CEP128: variants seen among roughly 807,000 people sequenced by gnomAD.
The protein encoded by CEP128 is centrosomal protein 128kDa.
In CEP128, 132 loss-of-function variants were observed where a neutral mutation model predicts 156.7. That is an observed-to-expected ratio of 0.84 (90% CI 0.73 to 0.97). The LOEUF (loss-of-function observed/expected upper bound fraction) is 0.97. Ranked by LOEUF, CEP128 falls within the 50% of genes least tolerant of loss-of-function variation. The probability of loss-of-function intolerance (pLI) is 0.00; values close to 1 mark genes in which losing one functional copy is unlikely to be tolerated. For missense variants in CEP128, 1,252 were observed against 1,281.9 expected (o/e 0.98, Z 0.36); for synonymous variants, 469 against 448.9 (o/e 1.04, Z -0.57).
intron 19 of CEP128, among the ~76,000 whole-genome samples, chr14:80,711,413 T>C (rs1441192167): frequency 6.6e-6 from 1 of 151,664 alleles, no homozygotes; most frequent in East Asian, 1.9e-4. Flanking sequence ...AACAATCACT[T>C]CCCTTTCAAA....
intron 19 of CEP128, among the ~76,000 whole-genome samples, chr14:80,597,418 A>G (rs1028149009): frequency 3.3e-5 from 5 of 152,200 alleles, no homozygotes; most frequent in African/African-American, 1.2e-4. Flanking sequence ...TCAGAACAAT[A>G]GATGTGTAAT....
At chr14:80,908,220 A>G (rs2139460127) in intron 4 of CEP128, among the ~76,000 whole-genome samples, 1 of 152,172 alleles carries the variant, frequency 6.6e-6, no homozygotes, top group East Asian at 1.9e-4. Context: ...ATAGCTTAAT[A>G]AATTTCATAT....
chr14:80,825,843 C>T (rs1885442509), intron 13 of CEP128, among the ~76,000 whole-genome samples: 2 of 152,168 alleles, frequency 1.3e-5, no homozygotes, highest in Non-Finnish European at 2.9e-5. Flanking sequence ...CATGGTGGCT[C>T]ACTCCTGTAA....
chr14:80,807,728 C>A (rs1884262449), intron 13 of CEP128, among the ~76,000 whole-genome samples: 1 of 152,174 alleles, frequency 6.6e-6, no homozygotes, highest in Non-Finnish European at 1.5e-5. Context: ...CAGACGGGAA[C>A]TTGTGCTAGG....
intron 2 of CEP128, among the ~76,000 whole-genome samples, chr14:80,934,482 G>A (rs1885671475): frequency 6.6e-6 from 1 of 152,160 alleles, no homozygotes; most frequent in Non-Finnish European, 1.5e-5. Flanking sequence ...ACCTAGGTAT[G>A]ACAGATACTT....
intron 8 of CEP128, among the ~76,000 whole-genome samples, chr14:80,872,665 A>T (rs952153498): frequency 2.0e-5 from 3 of 152,188 alleles, no homozygotes; most frequent in African/African-American, 4.8e-5. Context: ...TGGTAATTTT[A>T]TTTTAAACTT....
intron 20 of CEP128, among the ~76,000 whole-genome samples, chr14:80,576,254 G>C (rs1891349944): frequency 6.6e-6 from 1 of 152,118 alleles, no homozygotes; most frequent in African/African-American, 2.4e-5. Flanking sequence ...CTATTTTAAA[G>C]TTTCAGCTGA....
At chr14:80,632,557 T>C (rs1894005465) in intron 19 of CEP128, among the ~76,000 whole-genome samples, 1 of 149,342 alleles carries the variant, frequency 6.7e-6, no homozygotes, top group South Asian at 2.1e-4. Flanking sequence ...CTATATATAA[T>C]ATATAAAATC....
intron 14 of CEP128, among the ~76,000 whole-genome samples, chr14:80,789,071 T>C (rs1901569917): frequency 6.6e-6 from 1 of 152,050 alleles, no homozygotes; most frequent in Non-Finnish European, 1.5e-5. Flanking sequence ...GCTGTTACTG[T>C]TAAGGAGAAG....
At chr14:80,600,169 A>G (rs2140526336) in intron 19 of CEP128, among the ~76,000 whole-genome samples, 1 of 152,332 alleles carries the variant, frequency 6.6e-6, no homozygotes, top group Non-Finnish European at 1.5e-5. Flanking sequence ...CCATAAGGAG[A>G]GGAAAAAGAA....
At chr14:80,490,612 G>A (rs1380232320) in exon 7 of CEP128, 4 of 152,204 alleles carry the variant, frequency 2.6e-5, no homozygotes, top group Admixed American at 6.6e-5. Flanking sequence ...GGCATAGTCT[G>A]TTAGAAGGAG....
chr14:80,955,955 T>A, intron 2 of CEP128: 1 of 1,376,486 alleles, frequency 7.3e-7, no homozygotes, highest in Non-Finnish European at 1.0e-6. Flanking sequence ...AAGTAGTGTG[T>A]GAGTGTGTGT....
intron 19 of CEP128, among the ~76,000 whole-genome samples, chr14:80,719,952 T>C (rs1227769289): frequency 6.6e-6 from 1 of 152,084 alleles, no homozygotes; most frequent in Admixed American, 6.6e-5. Flanking sequence ...AATAAAATTA[T>C]AGTGCTGTGA....
chr14:80,593,546 C>CA (rs780221928), intron 19 of CEP128, among the ~76,000 whole-genome samples: 29,343 of 77,124 alleles, frequency 0.38, 4,928 homozygotes, highest in African/African-American at 0.53. Flanking sequence ...GACTCCATCT[C>CA]AAAAAAAAAA....
intron 22 of CEP128, among the ~76,000 whole-genome samples, chr14:80,528,031 T>C (rs1391500239): frequency 6.6e-6 from 1 of 152,100 alleles, no homozygotes; most frequent in South Asian, 2.1e-4. Context: ...CGTACGGATT[T>C]AGTGTCCCTC....
intron 13 of CEP128, among the ~76,000 whole-genome samples, chr14:80,808,227 A>C (rs1230058981): frequency 6.6e-6 from 1 of 152,210 alleles, no homozygotes; most frequent in Non-Finnish European, 1.5e-5. Context: ...AGGCACAGCC[A>C]ATACAGTAGC....
Position 80,623,177 on chromosome 14 carries a change from G to T in CEP128, c.2807-42754C>A, listed in dbSNP as rs1039617698. On this transcript the variant is annotated intron_variant, in intron 19 of 24. Coordinates refer to ENST00000555265, the MANE Select transcript of CEP128 (RefSeq NM_152446.5). ...CTTTGTAGGGACATGGATGAAATTG[G>T]AAATCATCATTCTCAGTAAACTGTC... Among the ~76,000 whole-genome samples the T allele has an allele frequency of 1.4e-3, 211 of 151,916 alleles. 1 individual carries two copies. Among genetic ancestry groups the T allele is most frequent in the South Asian group, 2.3e-3 (11 of 4,800 alleles).
chr14:80,827,816 C>A (rs1333705902), intron 13 of CEP128, among the ~76,000 whole-genome samples: 2 of 152,116 alleles, frequency 1.3e-5, no homozygotes, highest in Non-Finnish European at 2.9e-5. Context: ...GTATAGGGCT[C>A]CCACAGGGTA....
intron 15 of CEP128, among the ~76,000 whole-genome samples, 174 bp downstream of exon 15, chr14:80,784,721 T>C (rs1901304338): frequency 6.6e-6 from 1 of 152,208 alleles, no homozygotes; most frequent in African/African-American, 2.4e-5. Context: ...AGGTGGCTGT[T>C]ATAACTCATT....
Sources: gnomAD v4.1 joint callset for allele counts (sites outside exome capture counted in the v4.1 genomes callset) on GRCh38, gnomAD v4.1.1 for gene constraint, MANE v1.5 for transcripts, NCBI Gene and HGNC (gene_info 2026-07-23, HGNC 2026-07-21) for gene names.